The following SPOCK1 variants were observed in gnomAD, a reference collection of about 807,000 sequenced individuals.
The protein encoded by SPOCK1 is SPARC (osteonectin), cwcv and kazal like domains proteoglycan 1, also known as testican-1.
SPOCK1 carries 23 observed loss-of-function variants against 55.3 expected under a neutral mutation model. That is an observed-to-expected ratio of 0.42 (90% CI 0.30 to 0.59). The LOEUF (loss-of-function observed/expected upper bound fraction) is 0.59, where lower values mean the gene tolerates loss of function less well. Among genes scored for constraint, SPOCK1 ranks in the 20% least tolerant of loss-of-function variants. The pLI is 0.22. For missense variants in SPOCK1, 499 were observed against 552.5 expected, an observed-to-expected ratio of 0.90 and a Z score of 0.97; for synonymous variants, 226 against 221.0, an observed-to-expected ratio of 1.02 and a Z score of -0.20.
At chr5:137,041,314 C>A (rs993751292) in intron 6 of SPOCK1, among the ~76,000 whole-genome samples, 10 of 151,996 alleles carry the variant, frequency 6.6e-5, no homozygotes, top group African/African-American at 2.4e-4. Context: ...TTCTACCTTA[C>A]AGAAAAATTA....
intron 3 of SPOCK1, among the ~76,000 whole-genome samples, chr5:137,265,208 C>T (rs1486584532): frequency 5.9e-5 from 9 of 152,302 alleles, no homozygotes; most frequent in African/African-American, 1.9e-4. Context: ...TCCCAAGTGG[C>T]AAATGACACC....
At chr5:137,123,651 G>A (rs976396563) in intron 4 of SPOCK1, among the ~76,000 whole-genome samples, 1 of 152,046 alleles carries the variant, frequency 6.6e-6, no homozygotes, top group Admixed American at 6.6e-5. Flanking sequence ...TCAACCTAAG[G>A]AAGATAACCC....
chr5:137,342,161 GAGGAT>G (rs1478418644), intron 2 of SPOCK1, among the ~76,000 whole-genome samples: 4 of 152,208 alleles, frequency 2.6e-5, no homozygotes, highest in African/African-American at 4.8e-5. Context: ...CACCTCCGCG[GAGGAT>G]AGTGTCTGAG....
chr5:137,264,881 C>T (rs556314042), intron 3 of SPOCK1, among the ~76,000 whole-genome samples: 3 of 152,308 alleles, frequency 2.0e-5, no homozygotes, highest in South Asian at 2.1e-4. Context: ...GCCTGTGCTC[C>T]TCATGGTTCT....
chr5:137,215,187 G>A (rs1327829646), intron 3 of SPOCK1, among the ~76,000 whole-genome samples: 1 of 152,320 alleles, frequency 6.6e-6, no homozygotes, highest in East Asian at 1.9e-4. Context: ...TAAGACATAT[G>A]AGAAGGATGT....
chr5:137,052,089 C>T lies in SPOCK1; in HGVS notation c.589+15626G>A, dbSNP rs561271159. On this transcript the variant is annotated intron_variant, in intron 6 of 10. Coordinates refer to ENST00000394945, the MANE Select transcript of SPOCK1 (RefSeq NM_004598.4). ...GCCCTTCTTTGCTCTTCAATTTTTC[C>T]CACTGACTGGACTAAAGCTGGAATG... 8.1e-4 allele frequency among the ~76,000 whole-genome samples: 123 copies of T among 152,218 alleles called. 1 individual carries two copies. The highest frequency in any genetic ancestry group is 2.8e-3 in the African/African-American group (116 of 41,542).
chr5:137,145,933 G>C (rs1475636038), intron 3 of SPOCK1, among the ~76,000 whole-genome samples: 2 of 152,178 alleles, frequency 1.3e-5, no homozygotes, highest in African/African-American at 4.8e-5. Context: ...AAGCCGGTGA[G>C]TAAAAAGGCT....
intron 2 of SPOCK1, among the ~76,000 whole-genome samples, chr5:137,317,136 A>G (rs1409719229): frequency 6.6e-6 from 1 of 152,192 alleles, no homozygotes; most frequent in Admixed American, 6.5e-5. Context: ...CTTTTGGCAG[A>G]GGTGAGTGCG....
chr5:137,417,498 C>T (rs182947631), intron 2 of SPOCK1, among the ~76,000 whole-genome samples: 91 of 152,196 alleles, frequency 6.0e-4, no homozygotes, highest in African/African-American at 2.0e-3. Context: ...TCCATTACCC[C>T]AAACAGTCCC....
rs1750616771 is a variant in SPOCK1 at position 136,976,458 on chromosome 5, C to T, written c.*2196G>A. The T allele has an allele frequency of 6.6e-6, 1 of 152,570 alleles. No homozygotes were observed. The highest frequency in any genetic ancestry group is 6.5e-5 in the Admixed American group (1 of 15,274). 9.5% of individuals were successfully genotyped at this position (152,570 alleles called of 1,614,324 possible). A position where few individuals can be genotyped will look rare whatever the true frequency, so the allele number is the denominator to read the frequency against. ...GGCAAATTAAAATCAGTGGTTCACC[C>T]TGTTCCTAGAAGTTTTTCTAAGTGA... On this transcript the variant is annotated 3_prime_UTR_variant, in exon 11 of 11. Coordinates refer to ENST00000394945, the MANE Select transcript of SPOCK1 (RefSeq NM_004598.4).
chr5:137,002,238 A>G (rs1751166955), intron 6 of SPOCK1, among the ~76,000 whole-genome samples: 1 of 152,180 alleles, frequency 6.6e-6, no homozygotes, highest in Non-Finnish European at 1.5e-5. Flanking sequence ...TATTAAACCC[A>G]TTAAGACTAT....
intron 5 of SPOCK1, among the ~76,000 whole-genome samples, chr5:137,104,304 A>G (rs369625743): frequency 2.6e-5 from 4 of 152,180 alleles, no homozygotes; most frequent in East Asian, 3.9e-4. Flanking sequence ...CTTCCACTTC[A>G]ACTTCCACCA....
chr5:137,381,740 C>A (rs1032181758), intron 2 of SPOCK1, among the ~76,000 whole-genome samples: 1 of 152,212 alleles, frequency 6.6e-6, no homozygotes, highest in Admixed American at 6.5e-5. Flanking sequence ...CCCACAAAAT[C>A]ATTTTTTCCT....
chr5:137,218,033 C>A (rs942024836), intron 3 of SPOCK1, among the ~76,000 whole-genome samples: 10 of 152,292 alleles, frequency 6.6e-5, no homozygotes, highest in Non-Finnish European at 1.2e-4. Flanking sequence ...CAACACTCAC[C>A]CTTTCCTCCC....
In SPOCK1 at chr5:137,371,366, A is replaced by C. The variant is rs138777367; in HGVS notation, c.187-104311T>G. On this transcript the variant is annotated intron_variant, in intron 2 of 10. Coordinates refer to ENST00000394945, the MANE Select transcript of SPOCK1 (RefSeq NM_004598.4). ...AAGAAATACATGAGAAGCACTTAGC[A>C]TAGTGCTAGGCATATGGTAAGCACT... 7.9e-3 allele frequency among the ~76,000 whole-genome samples: 1,209 copies of C among 152,356 alleles called. 26 individuals carry two copies. Among genetic ancestry groups the C allele is most frequent in the African/African-American group, 0.026 (1,101 of 41,584 alleles).
chr5:137,236,568 G>C (rs1756185554), intron 3 of SPOCK1, among the ~76,000 whole-genome samples: 1 of 152,188 alleles, frequency 6.6e-6, no homozygotes, highest in Non-Finnish European at 1.5e-5. Context: ...ATGTACATAA[G>C]AGCATGCTTG....
At chr5:137,138,496 CACAAACAT>C (rs1239343603) in intron 4 of SPOCK1, among the ~76,000 whole-genome samples, 13 of 61,322 alleles carry the variant, frequency 2.1e-4, no homozygotes, top group African/African-American at 6.4e-4. Flanking sequence ...ATCTTACACA[CACAAACAT>C]ACACACACAC....
chr5:137,381,521 G>A (rs1478250073), intron 2 of SPOCK1, among the ~76,000 whole-genome samples: 1 of 152,172 alleles, frequency 6.6e-6, no homozygotes, highest in African/African-American at 2.4e-5. Context: ...CTGAAATCTA[G>A]ACAGAGTTTC....
At chr5:137,323,234 G>C (rs1758011804) in intron 2 of SPOCK1, among the ~76,000 whole-genome samples, 1 of 152,110 alleles carries the variant, frequency 6.6e-6, no homozygotes, top group Non-Finnish European at 1.5e-5. Flanking sequence ...AAAAGACATA[G>C]GGTAGTTTAA....
Sources: allele counts gnomAD v4.1 joint callset (sites outside exome capture counted in the v4.1 genomes callset), GRCh38; gene constraint gnomAD v4.1.1; transcripts MANE v1.5; gene names NCBI Gene and HGNC (gene_info 2026-07-23, HGNC 2026-07-21).